ERCC1: variants seen among roughly 807,000 people sequenced by gnomAD.
The protein encoded by ERCC1 is ERCC excision repair 1, endonuclease non-catalytic subunit.
In ERCC1, 36 loss-of-function variants were observed where a neutral mutation model predicts 37.6. The ratio of observed to expected loss-of-function variants is 0.96; its 90% CI spans 0.73 to 1.26. ERCC1 has a LOEUF of 1.26. ERCC1 is among the 50% of genes most tolerant of loss of function. The probability of loss-of-function intolerance (pLI) is 0.00; values close to 1 mark genes in which losing one functional copy is unlikely to be tolerated. For missense variants in ERCC1, 349 were observed against 376.5 expected, an observed-to-expected ratio of 0.93 and a Z score of 0.60; for synonymous variants, 156 against 162.1, an observed-to-expected ratio of 0.96 and a Z score of 0.28.
rs573336814 is a variant in ERCC1, at chr19:45,451,111, T to A, written c.-8+27625A>T. Among the ~76,000 whole-genome samples, 22 of 151,816 alleles carry A rather than the reference T, an allele frequency of 1.4e-4. No individual in the cohort carries two copies. In the East Asian group the frequency reaches 4.1e-3, roughly 28 times the overall value. ...GCGGGGGAGAACCGGGTTCCCAAAT[T>A]ACCGGTTTCCCTTTAGACAGCCGCC... On this transcript the variant is annotated intron_variant, in intron 1 of 8. Coordinates refer to the ERCC1 transcript ENST00000423698.
intron 1 of ERCC1, among the ~76,000 whole-genome samples, chr19:45,445,553 T>C (rs1407835704): frequency 4.6e-5 from 7 of 152,108 alleles, no homozygotes; most frequent in African/African-American, 1.7e-4. Flanking sequence ...CTATTTTAAA[T>C]GGGATGGTCA....
upstream of ERCC1, among the ~76,000 whole-genome samples, chr19:45,428,284 G>A (rs1284766159): frequency 6.8e-6 from 1 of 146,798 alleles, no homozygotes; most frequent in Non-Finnish European, 1.5e-5. Context: ...GTGGGGGTGG[G>A]GGGGTGGGGT....
intron 1 of ERCC1, among the ~76,000 whole-genome samples, chr19:45,441,863 T>G (rs1454739448): frequency 6.6e-6 from 1 of 150,682 alleles, no homozygotes; most frequent in African/African-American, 2.4e-5. Context: ...TTTGTATTTT[T>G]AGTAGAGACG....
chr19:45,430,818 G>A (rs140954974), intron 1 of ERCC1, among the ~76,000 whole-genome samples: 1,808 of 152,092 alleles, frequency 0.012, 15 homozygotes, highest in Middle Eastern at 0.02. Flanking sequence ...TTGGGAGGCC[G>A]AGGTGGGAGA....
chr19:45,434,420 A>T (rs527948652), intron 1 of ERCC1, among the ~76,000 whole-genome samples: 8 of 151,978 alleles, frequency 5.3e-5, no homozygotes, highest in Non-Finnish European at 1.0e-4. Context: ...GAGCCCAAAA[A>T]TGTCAAGGCT....
At chr19:45,428,428 C>A (rs937570501), upstream of ERCC1, among the ~76,000 whole-genome samples, 4 of 152,130 alleles carry the variant, frequency 2.6e-5, no homozygotes, top group Non-Finnish European at 5.9e-5. Flanking sequence ...ACTTTGGAAT[C>A]CCGGATTCGA....
At chr19:45,447,716 TG>T (rs1568603245) in intron 1 of ERCC1, among the ~76,000 whole-genome samples, 1 of 152,148 alleles carries the variant, frequency 6.6e-6, no homozygotes, top group Non-Finnish European at 1.5e-5. Context: ...CTCTTGTCCC[TG>T]GCTGTGTGTT....
At chr19:45,449,664 C>CA (rs1206291552) in intron 1 of ERCC1, among the ~76,000 whole-genome samples, 7 of 149,886 alleles carry the variant, frequency 4.7e-5, no homozygotes, top group African/African-American at 9.8e-5. Flanking sequence ...GACCTTGTCT[C>CA]AAAAAAAACC....
upstream of ERCC1, chr19:45,424,198 G>T: frequency 3.5e-6 from 1 of 288,032 alleles, no homozygotes; most frequent in Non-Finnish European, 5.4e-6. Flanking sequence ...ACATTGACTT[G>T]GCTTCAGTTT....
Position 45,420,809 on chromosome 19 carries a change from GAT to G in ERCC1, c.321+367_321+368del, listed in dbSNP as rs1057250935. Among the ~76,000 whole-genome samples the G allele has an allele frequency of 2.6e-5, 4 of 152,138 alleles. No homozygotes were observed. The highest frequency in any genetic ancestry group is 4.4e-5 in the Non-Finnish European group (3 of 68,038). ...AGCAACTTTTTGTGTTTTTAGTAGA[GAT>G]GGGGTGTCACCATATTCGCCAGACT... On this transcript the variant is annotated intron_variant, in intron 3 of 9. Coordinates refer to ENST00000300853, the MANE Select transcript of ERCC1 (RefSeq NM_001983.4). This position sits in a 1 kb window ranked among gnomAD's most constrained non-coding sequence, Gnocchi z 4.8.
At chr19:45,422,964 C>G (rs1012467269) in intron 2 of ERCC1, among the ~76,000 whole-genome samples, 3 of 149,808 alleles carry the variant, frequency 2.0e-5, no homozygotes, top group Admixed American at 6.7e-5. Context: ...ATTGCAAAAC[C>G]TGGCGATTCT....
chr19:45,423,806 G>A lies in ERCC1; in HGVS notation c.-33C>T. The stretch of plus-strand genomic sequence containing the variant: ...CTGTGGTCCGGGCCTCACGGTTTCA[G>A]CGCCGCGAGGCCTCACCTGCTGGTC... On this transcript the variant is annotated 5_prime_UTR_variant, in exon 1 of 10. Coordinates refer to ENST00000300853, the MANE Select transcript of ERCC1 (RefSeq NM_001983.4). 1 of 1,122,856 alleles carries A rather than the reference G, an allele frequency of 8.9e-7. No individual in the cohort carries two copies. Among genetic ancestry groups the A allele is most frequent in the Non-Finnish European group, 1.1e-6 (1 of 911,038 alleles). The allele number at this position is 1,122,856 out of a possible 1,614,324, so 69.6% of individuals were successfully genotyped here.
chr19:45,426,279 T>G (rs1171696626), upstream of ERCC1, among the ~76,000 whole-genome samples: 2 of 148,320 alleles, frequency 1.3e-5, no homozygotes, highest in Non-Finnish European at 3.0e-5. Flanking sequence ...CTCAGGAGGC[T>G]GAGGCAGAAG....
upstream of ERCC1, among the ~76,000 whole-genome samples, chr19:45,427,263 G>C (rs551721806): frequency 2.8e-4 from 43 of 152,294 alleles, no homozygotes; most frequent in African/African-American, 1.0e-3. Flanking sequence ...GGTGGCTCAC[G>C]CCTAGTAGGA....
At chr19:45,416,020 A>T (rs1974049485) in intron 6 of ERCC1, among the ~76,000 whole-genome samples, 1 of 152,186 alleles carries the variant, frequency 6.6e-6, no homozygotes, top group Non-Finnish European at 1.5e-5. Flanking sequence ...CTTTAGTCTC[A>T]GCTGCTCGGG....
chr19:45,413,766 G>A, intron 8 of ERCC1, 21 bp from the exon 9 acceptor site: 1 of 1,612,278 alleles, frequency 6.2e-7, no homozygotes, highest in Non-Finnish European at 8.5e-7. Context: ...AAAGCGAGGG[G>A]TCAGGGCAGT....
intron 6 of ERCC1, chr19:45,415,937 A>G: frequency 2.7e-6 from 1 of 373,130 alleles, no homozygotes; most frequent in Non-Finnish European, 5.4e-6. Context: ...GGAGTTCAAG[A>G]CCAGCCGGGA....
In ERCC1 at chr19:45,409,695, G is replaced by T. The variant is rs1209829492; in HGVS notation, c.874C>A (p.Pro292Thr). The T allele has an allele frequency of 3.8e-5, 38 of 990,960 alleles. No homozygotes were observed. The Admixed American group carries it at 6.4e-4, about 17-fold the overall frequency. 61.4% of individuals were successfully genotyped at this position (990,960 alleles called of 1,614,324 possible). ...GGTCATCAGGGTACTTTCAAGAAGG[G>T]CTCGTGCAGGACATCAAACAGCCTC... ...ARRLFDVLHE[P>T]FLKVP Residue 292 changes from proline to threonine, a missense_variant, in exon 10 of 10, where the codon CCC becomes ACC. Transcript: ENST00000300853.
chr19:45,412,713 T>C (rs961780347), intron 9 of ERCC1, among the ~76,000 whole-genome samples: 1 of 152,024 alleles, frequency 6.6e-6, no homozygotes, highest in African/African-American at 2.4e-5. Flanking sequence ...GTGGAATGTT[T>C]GCTGTGCAGA....
Sources: gnomAD v4.1 joint callset for allele counts (sites outside exome capture counted in the v4.1 genomes callset) on GRCh38, gnomAD v4.1.1 for gene constraint, Gnocchi (gnomAD v3.1) non-coding constraint, MANE v1.5 for transcripts, NCBI Gene and HGNC (gene_info 2026-07-23, HGNC 2026-07-21) for gene names.